Variants in FAT1 observed in about 807,000 individuals in gnomAD.
The protein encoded by FAT1 is FAT atypical cadherin 1.
A neutral mutation model predicts 329.8 loss-of-function variants in FAT1; 171 were observed. The observed-to-expected ratio is 0.52, with a 90% CI of 0.46 to 0.59. The LOEUF (loss-of-function observed/expected upper bound fraction) is 0.59, where lower values mean the gene tolerates loss of function less well. Among genes scored for constraint, FAT1 ranks in the 20% least tolerant of loss-of-function variants. The pLI is 0.00. For missense variants in FAT1, 5,672 were observed against 5,774.4 expected (o/e 0.98, Z 0.57); for synonymous variants, 2,233 against 2,228.6 (o/e 1.00, Z -0.06).
chr4:186,644,135 G>A (rs1387759683), intron 3 of FAT1, among the ~76,000 whole-genome samples: 3 of 152,150 alleles, frequency 2.0e-5, no homozygotes, highest in Admixed American at 2.0e-4. Flanking sequence ...AGGCTCAGAT[G>A]AGCGTTTTTT....
chr4:186,684,607 C>T (rs1260954971), intron 2 of FAT1, among the ~76,000 whole-genome samples: 7 of 152,020 alleles, frequency 4.6e-5, no homozygotes, highest in Non-Finnish European at 1.0e-4. Context: ...TTTTCTAAAG[C>T]AACTAACATT....
intron 2 of FAT1, among the ~76,000 whole-genome samples, chr4:186,691,421 T>C (rs1388049646): frequency 2.6e-5 from 4 of 152,234 alleles, no homozygotes; most frequent in African/African-American, 9.6e-5. Flanking sequence ...ATCTCTACAT[T>C]AGGTTTCTAA....
chr4:186,609,131 A>G, intron 16 of FAT1, 52 bp downstream of exon 16: 1 of 1,588,134 alleles, frequency 6.3e-7, no homozygotes. Context: ...AGGCATTTCT[A>G]GTTATTGATG....
intron 17 of FAT1, among the ~76,000 whole-genome samples, chr4:186,605,495 T>A (rs1436954727): frequency 1.5e-4 from 7 of 45,530 alleles, no homozygotes; most frequent in Admixed American, 3.1e-4. Context: ...GGAGAAGAGG[T>A]GGAGGGAAGA....
intron 2 of FAT1, among the ~76,000 whole-genome samples, chr4:186,692,771 C>T (rs1006748025): frequency 3.3e-5 from 5 of 152,112 alleles, no homozygotes; most frequent in South Asian, 2.1e-4. Flanking sequence ...CCATTCTCTA[C>T]GGGACAGCAA....
chr4:186,621,306 G>A lies in FAT1; in HGVS notation c.5280C>T (p.Asp1760=), dbSNP rs377442149. The A allele has an allele frequency of 3.1e-6, 5 of 1,613,896 alleles. No homozygotes were observed. Among genetic ancestry groups the A allele is most frequent in the Non-Finnish European group, 4.2e-6 (5 of 1,179,896 alleles). The change falls in exon 10 of 27, where the codon GAC becomes GAT. Residue 1760 remains aspartate (D), a synonymous_variant. Coordinates refer to ENST00000441802, the MANE Select transcript of FAT1 (RefSeq NM_005245.4). ...CTGCCTGCATAAAAACTGGCGCGTTGTCATTCTCATCCTGCAAGTGAACTA... is the reference window on the plus strand; with the variant it reads ...CTGCCTGCATAAAAACTGGCGCGTTATCATTCTCATCCTGCAAGTGAACTA... ...TVLVHLQDEN[D]NAPVFMQAEY...
In FAT1 at chr4:186,663,627, A is replaced by T. The variant is rs2126619071; in HGVS notation, c.3266-14T>A. 1 of 1,585,222 alleles carries T rather than the reference A, an allele frequency of 6.3e-7. No homozygotes were observed. The highest frequency in any genetic ancestry group is 1.7e-4 in the Middle Eastern group (1 of 5,992). On this transcript the variant is annotated splice_polypyrimidine_tract_variant and intron_variant, in intron 2 of 26. Coordinates refer to ENST00000441802, the MANE Select transcript of FAT1 (RefSeq NM_005245.4). ...TCTCTATGACACCTACAGAGAAAAAAGAAAAGCGTAAAGCAGCACATCAAC... is the reference window on the plus strand; with the variant it reads ...TCTCTATGACACCTACAGAGAAAAATGAAAAGCGTAAAGCAGCACATCAAC...
In FAT1 at chr4:186,595,718, G is replaced by C; in HGVS notation, c.13109C>G (p.Ser4370Cys). ...ESLSEVQSLSSFQSESCDDNG... is the reference protein window; with the variant it reads ...ESLSEVQSLSCFQSESCDDNG... Reference sequence around the variant, plus strand: ...GTCATCGCACGATTCGGACTGGAAGGAGCTCAGAGACTGCACTTCAGACAG... The same window carrying C: ...GTCATCGCACGATTCGGACTGGAAGCAGCTCAGAGACTGCACTTCAGACAG... Residue 4370 changes from serine (S) to cysteine (C), a missense_variant, in exon 26 of 27, where the codon TCC becomes TGC. Physicochemically the swap from Ser to Cys is moderately radical, Grantham distance 112. This residue lies in a region of FAT1 where 1,706 missense variants were observed against 1,859.1 expected (regional missense o/e 0.92). Coordinates refer to ENST00000441802, the MANE Select transcript of FAT1 (RefSeq NM_005245.4). 2.5e-6 allele frequency: 4 copies of C among 1,613,966 alleles called. No individual in the cohort carries two copies. The highest frequency in any genetic ancestry group is 3.4e-6 in the Non-Finnish European group (4 of 1,179,874).
At chr4:186,662,663 T>A (rs1460024837) in intron 3 of FAT1, among the ~76,000 whole-genome samples, 1 of 152,198 alleles carries the variant, frequency 6.6e-6, no homozygotes, top group Non-Finnish European at 1.5e-5. Context: ...TTAGGACAAT[T>A]CAAATTCTTA....
chr4:186,612,161 A>G lies in FAT1; in HGVS notation c.9464-386T>C, dbSNP rs1012105852. 4.6e-5 allele frequency among the ~76,000 whole-genome samples: 7 copies of G among 151,876 alleles called. No homozygotes were observed. The South Asian group carries it at 1.5e-3, about 32-fold the overall frequency. On this transcript the variant is annotated intron_variant, in intron 13 of 26. Coordinates refer to ENST00000441802, the MANE Select transcript of FAT1 (RefSeq NM_005245.4). ...CAAACAAAATTTTTTTAGAAGGGTA[A>G]ACGCTAATATACATTATTCGCAAAT...
At chr4:186,595,869 G>T (rs139127716) in intron 25 of FAT1, 43 bp from the exon 26 acceptor site, 1 of 1,606,380 alleles carries the variant, frequency 6.2e-7, no homozygotes, top group Non-Finnish European at 8.5e-7. Flanking sequence ...GGGCCAAGAC[G>T]GTTTTGTTCA....
rs143177869 is a variant in FAT1, at chr4:186,641,703, T to C, written c.3581-1920A>G. ...CTAAGGAAAGCTGTACCTGTGTCCATACTACCAATTCCACATAAAAAGGCT... is the reference window on the plus strand; with the variant it reads ...CTAAGGAAAGCTGTACCTGTGTCCACACTACCAATTCCACATAAAAAGGCT... On this transcript the variant is annotated intron_variant, in intron 3 of 26. Coordinates refer to ENST00000441802, the MANE Select transcript of FAT1 (RefSeq NM_005245.4). 2.3e-4 allele frequency among the ~76,000 whole-genome samples: 35 copies of C among 152,276 alleles called. No individual in the cohort carries two copies. In the East Asian group the frequency reaches 5.8e-3, roughly 25 times the overall value.
chr4:186,671,315 AAT>A (rs1742715207), intron 2 of FAT1, among the ~76,000 whole-genome samples: 1 of 152,180 alleles, frequency 6.6e-6, no homozygotes, highest in African/African-American at 2.4e-5. Context: ...ATAATAAAAA[AAT>A]ATTACTTGTT....
intron 26 of FAT1, chr4:186,590,548 A>G (rs1168839419): frequency 2.1e-6 from 1 of 474,930 alleles, no homozygotes; most frequent in South Asian, 1.5e-5. Context: ...GCCAGTATCT[A>G]TGACAATTCC....
upstream of FAT1, among the ~76,000 whole-genome samples, chr4:186,725,932 C>T (rs1745703638): frequency 6.6e-6 from 1 of 152,164 alleles, no homozygotes; most frequent in Admixed American, 6.5e-5. This position sits in a 1 kb window ranked among gnomAD's most constrained non-coding sequence, Gnocchi z 5.4. Flanking sequence ...GAGCAAGCGC[C>T]CACGTCGCCG....
chr4:186,706,516 A>AG, intron 2 of FAT1, 47 bp downstream of exon 2: 8 of 1,530,576 alleles, frequency 5.2e-6, no homozygotes, highest in Non-Finnish European at 7.0e-6. Context: ...AAAAAAAAAA[A>AG]AAAAATGGAA....
intron 1 of FAT1, among the ~76,000 whole-genome samples, chr4:186,718,745 C>G (rs966508842): frequency 3.3e-5 from 5 of 152,272 alleles, no homozygotes; most frequent in African/African-American, 1.2e-4. Flanking sequence ...TTATTCTTCT[C>G]TTTTTTTATA....
Position 186,707,574 on chromosome 4 carries a change from GT to G in FAT1, c.2253del (p.Lys751AsnfsTer16). 6.2e-7 allele frequency: 1 copy of G among 1,614,004 alleles called. No homozygotes were observed. Among genetic ancestry groups the G allele is most frequent in the Non-Finnish European group, 8.5e-7 (1 of 1,179,892 alleles). The stretch of plus-strand genomic sequence containing the variant: ...TTTCCTCCAGAAACAGCATAGACCA[GT>G]TTTCCATTGAAGCCAGTGTCAAGGT... ...STDLDTGFNG[K>X]LVYAVSGGNE... On this transcript the variant is annotated frameshift_variant, in exon 2 of 27. Transcript: ENST00000441802. LOFTEE classifies it high-confidence loss of function.
intron 2 of FAT1, among the ~76,000 whole-genome samples, chr4:186,673,807 C>A (rs1333321337): frequency 6.6e-6 from 1 of 152,172 alleles, no homozygotes; most frequent in Admixed American, 6.5e-5. Flanking sequence ...GTAAGCTCTG[C>A]TAAACCATGT....
Sources: allele counts gnomAD v4.1 joint callset (sites outside exome capture counted in the v4.1 genomes callset), GRCh38; gene constraint gnomAD v4.1.1; regional missense constraint gnomAD v4.1.1; non-coding constraint Gnocchi (gnomAD v3.1); transcripts MANE v1.5; gene names NCBI Gene and HGNC (gene_info 2026-07-23, HGNC 2026-07-21).